Variants in LAMA5 observed in about 807,000 individuals in gnomAD.
LAMA5 encodes laminin subunit alpha 5, also known as laminin subunit alpha-5.
Under a neutral mutation model 433.4 loss-of-function variants are expected in LAMA5, and 260 were observed. The observed-to-expected ratio is 0.60, with a 90% confidence interval of 0.54 to 0.66. The LOEUF (loss-of-function observed/expected upper bound fraction) is 0.66. LAMA5 is among the 30% of genes least tolerant of loss of function. The probability of loss-of-function intolerance (pLI) is 0.00; values close to 1 mark genes in which losing one functional copy is unlikely to be tolerated. For synonymous variants in LAMA5, 2,620 were observed against 2,226.6 expected, an observed-to-expected ratio of 1.18 and a Z score of -4.97; for missense variants, 5,378 against 5,258.5, an observed-to-expected ratio of 1.02 and a Z score of -0.70.
chr20:62,346,723 C>G lies in LAMA5; in HGVS notation c.1150G>C (p.Asp384His). Residue 384 changes from aspartate to histidine, a missense_variant, in exon 8 of 80, where the codon GAT (aspartate) becomes CAT (histidine). Coordinates refer to ENST00000252999, the MANE Select transcript of LAMA5 (RefSeq NM_005560.6). ...VDRRRASQSL[D>H]GTYQGGGVCI... ...ACACCCCCACCCTGATAGGTGCCAT[C>G]CAGGCTCTGGCTGGCGCGGCGCCGG... The G allele has an allele frequency of 6.2e-7, 1 of 1,613,308 alleles. No individual in the cohort carries two copies. The highest frequency in any genetic ancestry group is 8.5e-7 in the Non-Finnish European group (1 of 1,179,932).
intron 16 of LAMA5, 74 bp downstream of exon 16, chr20:62,337,516 G>A: frequency 6.5e-7 from 1 of 1,531,710 alleles, no homozygotes; most frequent in Non-Finnish European, 8.8e-7. Context: ...TCACAGGAAG[G>A]CAGGCAGCGT....
chr20:62,325,282 G>T, intron 41 of LAMA5, 34 bp downstream of exon 41: 1 of 1,430,766 alleles, frequency 7.0e-7, no homozygotes, highest in Non-Finnish European at 9.5e-7. Context: ...GCACAGGTGA[G>T]CCGCCTCGCA....
chr20:62,338,745 A>C, intron 11 of LAMA5, 137 bp from the exon 12 acceptor site: 5 of 1,018,332 alleles, frequency 4.9e-6, no homozygotes, highest in Non-Finnish European at 5.6e-6. Context: ...AAATAATAAA[A>C]ATCCCAGCAA....
intron 11 of LAMA5, among the ~76,000 whole-genome samples, chr20:62,339,188 ACAAATCAAAACT>A (rs1982182401): frequency 6.6e-6 from 1 of 152,034 alleles, no homozygotes; most frequent in South Asian, 2.1e-4. Flanking sequence ...GAAAATACAA[ACAAATCAAAACT>A]CAAAACAAGC....
In LAMA5 at chr20:62,323,306, G is replaced by A. The variant is rs921031438; in HGVS notation, c.6064+150C>T. ...ACCGGATCATAGCGGGGGAGAAAGG[G>A]TTGACCATGAACCCAGAAGGCTGGC... is the stretch of plus-strand genomic sequence containing the variant. On this transcript the variant is annotated intron_variant, in intron 45 of 79. Coordinates refer to ENST00000252999, the MANE Select transcript of LAMA5 (RefSeq NM_005560.6). 7 of 691,040 alleles carry A rather than the reference G, an allele frequency of 1.0e-5. No homozygotes were observed. In the African/African-American group the frequency reaches 1.1e-4, roughly 11 times the overall value. 42.8% of individuals were successfully genotyped at this position (691,040 alleles called of 1,614,324 possible). A position where few individuals can be genotyped will look rare whatever the true frequency, so the allele number is the denominator to read the frequency against.
In LAMA5 at chr20:62,317,688, G is replaced by C. The variant is rs549637295; in HGVS notation, c.7330C>G (p.Leu2444Val). 6.3e-7 allele frequency: 1 copy of C among 1,598,408 alleles called. No homozygotes were observed. Among genetic ancestry groups the C allele is most frequent in the Non-Finnish European group, 8.5e-7 (1 of 1,173,288 alleles). ...TCCTTAGCCTGGTCCAGGCTGTGCA[G>C]CAATCTGAAGACGCTGGCCAGGGTG... ...RDTLASVFRL[L>V]HSLDQAKEEL... The change falls in exon 54 of 80, where the codon CTG becomes GTG. Residue 2444 changes from leucine to valine, a missense_variant. Leu to Val is a conservative substitution (Grantham distance 32). Coordinates refer to ENST00000252999, the MANE Select transcript of LAMA5 (RefSeq NM_005560.6).
chr20:62,314,248 G>A (rs115033518), intron 62 of LAMA5, 56 bp downstream of exon 62: 33,557 of 1,572,390 alleles, frequency 0.021, 462 homozygotes, highest in African/African-American at 0.042. Flanking sequence ...GAGAGATGGC[G>A]AACGGGCAAG....
At chr20:62,366,925 C>T (rs1347237094) in intron 1 of LAMA5, 24 bp downstream of exon 1, 50 of 1,250,672 alleles carry the variant, frequency 4.0e-5, no homozygotes, top group Non-Finnish European at 4.5e-5. Context: ...GGGAGGAAGC[C>T]CCACGGCCCG....
In LAMA5 at chr20:62,327,280, A is replaced by AAGCCTCGGGCAC; in HGVS notation, c.5053_5064dup (p.Val1685_Ala1688dup). On this transcript the variant is annotated inframe_insertion, in exon 38 of 80. Coordinates refer to ENST00000252999, the MANE Select transcript of LAMA5 (RefSeq NM_005560.6). ...GGGGCCTGCCAGTACAGCTCGGGGA[A>AAGCCTCGGGCAC]AGCCTCGGGCACAGCCTCAGGCACG... 6.4e-7 allele frequency: 1 copy of AAGCCTCGGGCAC among 1,568,934 alleles called. No individual in the cohort carries two copies. Among genetic ancestry groups the AAGCCTCGGGCAC allele is most frequent in the Non-Finnish European group, 8.6e-7 (1 of 1,157,570 alleles).
At chr20:62,332,291 C>A in intron 28 of LAMA5, 81 bp downstream of exon 28, 2 of 1,031,502 alleles carry the variant, frequency 1.9e-6, no homozygotes, top group East Asian at 2.4e-5. Flanking sequence ...GGGACCCCAA[C>A]TGTCCTCTCC....
At chr20:62,309,953 G>A (rs748049979) in intron 78 of LAMA5, 35 bp downstream of exon 78, 9 of 1,606,248 alleles carry the variant, frequency 5.6e-6, no homozygotes, top group South Asian at 1.1e-5. Context: ...AAGGGTGGGG[G>A]TGGCAGAGTG....
chr20:62,314,067 G>A (rs1233363531), intron 62 of LAMA5, among the ~76,000 whole-genome samples: 2 of 113,550 alleles, frequency 1.8e-5, no homozygotes, highest in East Asian at 5.1e-4. Flanking sequence ...GGGGTGGCGG[G>A]TGGGCACAGA....
chr20:62,336,067 G>A (rs1368841378), intron 18 of LAMA5, among the ~76,000 whole-genome samples: 11 of 141,184 alleles, frequency 7.8e-5, no homozygotes, highest in African/African-American at 3.0e-4. Flanking sequence ...CACACTCACA[G>A]GCTCTAGCCC....
At chr20:62,313,047 C>A in intron 65 of LAMA5, 37 bp from the exon 66 acceptor site, 1 of 1,599,484 alleles carries the variant, frequency 6.3e-7, no homozygotes, top group South Asian at 1.1e-5. Flanking sequence ...GGGGCAGGGT[C>A]AGTGCAAGTG....
intron 26 of LAMA5, 143 bp from the exon 27 acceptor site, chr20:62,332,860 T>A: frequency 9.0e-7 from 1 of 1,105,090 alleles, no homozygotes; most frequent in Non-Finnish European, 1.3e-6. Flanking sequence ...AGGCAAGTGG[T>A]GGGGGCTGAG....
At chr20:62,333,785 T>TAGGCAA (rs1180571603) in intron 23 of LAMA5, 79 bp from the exon 24 acceptor site, 1 of 1,349,068 alleles carries the variant, frequency 7.4e-7, no homozygotes, top group East Asian at 3.6e-5. Flanking sequence ...GGGTTGGGGA[T>TAGGCAA]AGGCTGGTCC....
At chr20:62,337,273 C>T (rs926603870) in intron 16 of LAMA5, among the ~76,000 whole-genome samples, 3 of 152,170 alleles carry the variant, frequency 2.0e-5, no homozygotes, top group South Asian at 2.1e-4. Flanking sequence ...AACCCACTTA[C>T]GTGACACAGG....
chr20:62,358,125 C>T (rs551023223), intron 2 of LAMA5, among the ~76,000 whole-genome samples: 1 of 152,344 alleles, frequency 6.6e-6, no homozygotes, highest in South Asian at 2.1e-4. Context: ...GCTGGGGCAT[C>T]TCTGTGCCCT....
chr20:62,310,665 C>A lies in LAMA5; in HGVS notation c.10446G>T (p.Pro3482=). ...LPASSHSSKL[P]VTVGFSGCVK... The stretch of plus-strand genomic sequence containing the variant: ...GGGGCTGGGGCAAGATGGTTCTCAC[C>A]GGAAGTTTGGAGCTGTGGCTGCTGG... The change falls in exon 75 of 80, where the codon CCG becomes CCT. Residue 3482 remains proline (P), a splice_region_variant and synonymous_variant. Coordinates refer to ENST00000252999, the MANE Select transcript of LAMA5 (RefSeq NM_005560.6). 6.2e-7 allele frequency: 1 copy of A among 1,602,384 alleles called. No individual in the cohort carries two copies. The highest frequency in any genetic ancestry group is 8.5e-7 in the Non-Finnish European group (1 of 1,178,186).
Sources: allele counts gnomAD v4.1 joint callset (sites outside exome capture counted in the v4.1 genomes callset), GRCh38; gene constraint gnomAD v4.1.1; transcripts MANE v1.5; gene names NCBI Gene and HGNC (gene_info 2026-07-23, HGNC 2026-07-21).